CACNA1A: variants seen among roughly 807,000 people sequenced by gnomAD.
CACNA1A encodes calcium voltage-gated channel subunit alpha1 A, also known as voltage-dependent P/Q-type calcium channel subunit alpha-1A.
CACNA1A carries 57 observed loss-of-function variants against 262.4 expected under a neutral mutation model. The observed-to-expected ratio is 0.22, with a 90% CI of 0.18 to 0.27. The LOEUF is 0.27. Ranked by LOEUF, CACNA1A falls within the 10% of genes least tolerant of loss-of-function variation. The pLI is 1.00. For synonymous variants in CACNA1A, 1,431 were observed against 1,419.3 expected (o/e 1.01, Z -0.18); for missense variants, 2,526 against 3,562.8 (o/e 0.71, Z 7.41).
chr19:13,395,693 G>A (rs546474140), intron 3 of CACNA1A, among the ~76,000 whole-genome samples: 1 of 152,226 alleles, frequency 6.6e-6, no homozygotes, highest in East Asian at 1.9e-4. Flanking sequence ...TCCAGAGAGG[G>A]TCCTGCCCCA....
chr19:13,503,455 G>T (rs1982625976), intron 1 of CACNA1A, among the ~76,000 whole-genome samples: 1 of 151,786 alleles, frequency 6.6e-6, no homozygotes. Flanking sequence ...TCACTCTCAG[G>T]ATATGCTGAA....
chr19:13,224,269 AG>A (rs2055348392), intron 38 of CACNA1A, among the ~76,000 whole-genome samples: 1 of 151,722 alleles, frequency 6.6e-6, no homozygotes, highest in African/African-American at 2.4e-5. Context: ...GGTAGCAATG[AG>A]CCAAGATCAC....
At position 13,286,755 on chromosome 19, in the gene CACNA1A, T is replaced by C; in HGVS notation, c.3301A>G (p.Thr1101Ala). The change falls in exon 20 of 47, where the codon ACC becomes GCC. Residue 1101 changes from threonine (T) to alanine (A), a missense_variant. Physicochemically the swap from Thr to Ala is moderately conservative, Grantham distance 58. Coordinates refer to ENST00000360228, the MANE Select transcript of CACNA1A (RefSeq NM_001127222.2). ...ATGGCCAGCATGGGGCCGGGGTCGG[T>C]GCTGTTTCCCATCTTGGCTGGGCTC... ...PQSPAKMGNS[T>A]DPGPMLAIPA... 6.2e-7 allele frequency: 1 copy of C among 1,610,134 alleles called. No homozygotes were observed. The highest frequency in any genetic ancestry group is 8.5e-7 in the Non-Finnish European group (1 of 1,178,646).
At chr19:13,257,691 G>A (rs1213218210) in intron 27 of CACNA1A, 140 bp from the exon 28 acceptor site, 3 of 504,456 alleles carry the variant, frequency 5.9e-6, no homozygotes, top group African/African-American at 5.8e-5. Context: ...AATTTAAGTA[G>A]TCGCTGTTTT....
chr19:13,346,627 T>C (rs1470415469), intron 6 of CACNA1A, among the ~76,000 whole-genome samples: 4 of 3,628 alleles, frequency 1.1e-3, no homozygotes, highest in African/African-American at 4.8e-3. Flanking sequence ...TATATATATA[T>C]ATATATATAT....
chr19:13,258,031 C>T (rs552501328), intron 27 of CACNA1A: 110 of 153,696 alleles, frequency 7.2e-4, no homozygotes, highest in Non-Finnish European at 1.1e-3. Context: ...TGAGCCACCA[C>T]GCCTGGCCAA....
intron 38 of CACNA1A, among the ~76,000 whole-genome samples, chr19:13,222,476 A>G (rs970399389): frequency 6.9e-6 from 1 of 145,624 alleles, no homozygotes; most frequent in African/African-American, 2.6e-5. Context: ...GCTCGCTGCA[A>G]CCTCTGCCTC....
At chr19:13,472,927 G>A (rs1005782585) in intron 1 of CACNA1A, among the ~76,000 whole-genome samples, 4 of 151,996 alleles carry the variant, frequency 2.6e-5, no homozygotes, top group African/African-American at 4.8e-5. Flanking sequence ...ATTATCTGAC[G>A]GGCTCAAAAT....
At position 13,464,617 on chromosome 19, in the gene CACNA1A, C is replaced by T. The variant is rs557145121; in HGVS notation, c.294-9405G>A. The stretch of plus-strand genomic sequence containing the variant: ...AGGCCAGACTGCAGTGGTGCTATCT[C>T]GGCTCACTGCAAGCTCCGCCTCCCA... On this transcript the variant is annotated intron_variant, in intron 1 of 46. Coordinates refer to ENST00000360228, the MANE Select transcript of CACNA1A (RefSeq NM_001127222.2). Among the ~76,000 whole-genome samples, 17 of 147,992 alleles carry T rather than the reference C, an allele frequency of 1.1e-4. No homozygotes were observed. In the South Asian group the frequency reaches 2.1e-3, roughly 18 times the overall value.
chr19:13,445,732 C>G (rs1049929466), intron 3 of CACNA1A, among the ~76,000 whole-genome samples: 2 of 152,162 alleles, frequency 1.3e-5, no homozygotes, highest in Non-Finnish European at 2.9e-5. Context: ...TCCTCTTACA[C>G]ATTTTCAGTT....
At position 13,283,339 on chromosome 19, in the gene CACNA1A, G is replaced by A. The variant is rs1238454656; in HGVS notation, c.3750C>T (p.Leu1250=). ...LNLRYFEMCI[L]MVIAMSSIAL... Reference sequence around the variant, plus strand: ...CGATGCTGCTCATGGCAATGACCATGAGGATGCACATCTCAAAGTAGCGCA... The same window carrying A: ...CGATGCTGCTCATGGCAATGACCATAAGGATGCACATCTCAAAGTAGCGCA... The change falls in exon 22 of 47, where the codon CTC becomes CTT. Residue 1250 remains leucine, a synonymous_variant. Transcript: ENST00000360228. The A allele has an allele frequency of 4.3e-6, 7 of 1,614,026 alleles. No individual in the cohort carries two copies. The highest frequency in any genetic ancestry group is 3.3e-5 in the Admixed American group (2 of 60,026).
At chr19:13,457,957 T>C (rs2061046242) in intron 1 of CACNA1A, among the ~76,000 whole-genome samples, 1 of 151,228 alleles carries the variant, frequency 6.6e-6, no homozygotes, top group African/African-American at 2.4e-5. Flanking sequence ...AAATACCCCA[T>C]ATTGTATGAT....
intron 10 of CACNA1A, 50 bp from the exon 11 acceptor site, chr19:13,317,371 G>T (rs779553870): frequency 6.8e-7 from 1 of 1,472,332 alleles, no homozygotes; most frequent in South Asian, 1.2e-5. Context: ...TCCTTCAGAA[G>T]AAATTAACCA....
rs751603485 is a variant in CACNA1A, at chr19:13,224,667, C to T, written c.5731G>A (p.Gly1911Arg). The change falls in exon 38 of 47, where the codon GGA becomes AGA. Residue 1911 changes from glycine (G) to arginine (R), a missense_variant and splice_region_variant. Transcript: ENST00000360228. ...GTGCCCGCCCCTGTCCCTTCCTTAC[C>T]CTTGGCAATCTTGATGTCCAGGGCT... ...RTALDIKIAK[G>R]GADKQQMDAE... 1.9e-6 allele frequency: 3 copies of T among 1,606,522 alleles called. No individual in the cohort carries two copies. Among genetic ancestry groups the T allele is most frequent in the Non-Finnish European group, 2.6e-6 (3 of 1,175,860 alleles).
rs1208181261 is a variant in CACNA1A at position 13,209,472 on chromosome 19, C to T, written c.6366G>A (p.Lys2122=). Residue 2122 remains lysine (K), a synonymous_variant, in exon 45 of 47, where the codon AAG becomes AAA. Coordinates refer to ENST00000360228, the MANE Select transcript of CACNA1A (RefSeq NM_001127222.2). ...LSTISDTSPM[K]RSASVLGPKA... is the part of the protein sequence containing the mutation. ...TGGGGCCCAGCACGGAGGCTGAACG[C>T]TTCATGGGGCTGGTGTCTGAGATGG... The T allele has an allele frequency of 7.4e-7, 1 of 1,343,378 alleles. No individual in the cohort carries two copies. The highest frequency in any genetic ancestry group is 9.6e-7 in the Non-Finnish European group (1 of 1,041,280). 83.2% of individuals were successfully genotyped at this position (1,343,378 alleles called of 1,614,324 possible).
chr19:13,293,949 A>G (rs772015617), intron 19 of CACNA1A, among the ~76,000 whole-genome samples: 1 of 152,100 alleles, frequency 6.6e-6, no homozygotes, highest in African/African-American at 2.4e-5. Context: ...GTAGTTTCCA[A>G]TGTTTACTGT....
intron 1 of CACNA1A, among the ~76,000 whole-genome samples, chr19:13,495,335 C>T (rs1019533793): frequency 6.6e-6 from 1 of 151,930 alleles, no homozygotes; most frequent in African/African-American, 2.4e-5. Context: ...CTCGTTCTGT[C>T]GCCCAAGCTG....
chr19:13,234,797 A>G (rs950882299), intron 34 of CACNA1A, 124 bp downstream of exon 34: 2 of 705,620 alleles, frequency 2.8e-6, no homozygotes, highest in Non-Finnish European at 5.0e-6. Flanking sequence ...CCCCTGCCAG[A>G]AGAGAAGGAG....
rs779631503 is a variant in CACNA1A, at chr19:13,207,408, A to C, written c.7426T>G (p.Tyr2476Asp). The C allele has an allele frequency of 3.9e-6, 6 of 1,534,192 alleles. No homozygotes were observed. The highest frequency in any genetic ancestry group is 5.2e-6 in the Non-Finnish European group (6 of 1,145,956). ...CTGGCCAGTCCGTGCGCCGGGTAGT[A>C]GCCGTTGGGGAGTCGCCGGCCGTGC... ...SRHGRRLPNG[Y>D]YPAHGLARPR... The change falls in exon 47 of 47, where the codon TAC becomes GAC. Residue 2476 changes from tyrosine (Y) to aspartate (D), a missense_variant. Transcript: ENST00000360228. This position sits in a 1 kb window ranked among gnomAD's most constrained non-coding sequence, Gnocchi z 5.7.
Sources: allele counts gnomAD v4.1 joint callset (sites outside exome capture counted in the v4.1 genomes callset), GRCh38; gene constraint gnomAD v4.1.1; non-coding constraint Gnocchi (gnomAD v3.1); transcripts MANE v1.5; gene names NCBI Gene and HGNC (gene_info 2026-07-23, HGNC 2026-07-21).